Variants in ZNF385D observed in about 807,000 individuals in gnomAD.
ZNF385D encodes the protein zinc finger protein 659.
Under a neutral mutation model 35.8 loss-of-function variants are expected in ZNF385D, and 15 were observed. The observed-to-expected ratio is 0.42, with a 90% CI of 0.28 to 0.64. ZNF385D has a LOEUF of 0.64. ZNF385D is among the 30% of genes least tolerant of loss of function. ZNF385D has a pLI of 0.23. For missense variants in ZNF385D, 474 were observed against 494.6 expected, an observed-to-expected ratio of 0.96 and a Z score of 0.39; for synonymous variants, 212 against 186.8, an observed-to-expected ratio of 1.13 and a Z score of -1.10.
chr3:22,119,766 G>A (rs6792670), intron 3 of ZNF385D, among the ~76,000 whole-genome samples: 1 of 152,080 alleles, frequency 6.6e-6, no homozygotes, highest in Non-Finnish European at 1.5e-5. Context: ...TTTCTCTGCT[G>A]AACTGTTTTA....
At chr3:21,929,550 A>G (rs527556709) in intron 3 of ZNF385D, among the ~76,000 whole-genome samples, 1 of 152,230 alleles carries the variant, frequency 6.6e-6, no homozygotes, top group East Asian at 1.9e-4. Context: ...ATTTATGTAG[A>G]ACATTCTAAA....
At chr3:21,787,453 G>A (rs1404755639) in intron 3 of ZNF385D, among the ~76,000 whole-genome samples, 2 of 149,532 alleles carry the variant, frequency 1.3e-5, no homozygotes, top group Admixed American at 6.6e-5. Context: ...CCTAAGCCCC[G>A]TGCCCCTACT....
intron 2 of ZNF385D, among the ~76,000 whole-genome samples, chr3:22,368,817 G>A (rs1240532077): frequency 6.6e-6 from 1 of 152,138 alleles, no homozygotes; most frequent in African/African-American, 2.4e-5. Context: ...GTTTGGGGGA[G>A]ATATAAACAT....
At chr3:21,722,378 G>C (rs951453185) in intron 1 of ZNF385D, among the ~76,000 whole-genome samples, 9 of 152,126 alleles carry the variant, frequency 5.9e-5, no homozygotes, top group Non-Finnish European at 8.8e-5. Flanking sequence ...TCTCCCCTTT[G>C]CTCTTGAAAA....
In ZNF385D at chr3:21,757,120, C is replaced by CTTTTTTTTTTTTTTTTTTTTTTTTTTTTT. The variant is rs61226426; in HGVS notation, c.326-92093_326-92092insAAAAAAAAAAAAAAAAAAAAAAAAAAAAA. ...CTTTGGAGACATATGATAAATTTCT[C>CTTTTTTTTTTTTTTTTTTTTTTTTTTTTT]TTTTTTTTTTTTTTTTTTTGTTTTC... On this transcript the variant is annotated intron_variant, in intron 3 of 5. Transcript: ENST00000494108. 1.7e-4 allele frequency among the ~76,000 whole-genome samples: 18 copies of CTTTTTTTTTTTTTTTTTTTTTTTTTTTTT among 106,420 alleles called. 1 individual carries two copies. Among genetic ancestry groups the CTTTTTTTTTTTTTTTTTTTTTTTTTTTTT allele is most frequent in the African/African-American group, 5.7e-4 (16 of 27,920 alleles). 69.8% of individuals were successfully genotyped at this position (106,420 alleles called of 152,430 possible). A position where few individuals can be genotyped will look rare whatever the true frequency, so the allele number is the denominator to read the frequency against.
rs563230107 is a variant in ZNF385D, at chr3:21,681,511, GAGCTTAGGAA to G, written c.23-16493_23-16484del. Among the ~76,000 whole-genome samples, 120 of 151,670 alleles carry G rather than the reference GAGCTTAGGAA, an allele frequency of 7.9e-4. No individual in the cohort carries two copies. The South Asian group carries it at 8.7e-3, about 11-fold the overall frequency. On this transcript the variant is annotated intron_variant, in intron 1 of 7. Transcript: ENST00000281523. ...AATGGCAGGGCATACCTCAAGGGGAGAGCTTAGGAAAGCTGGCTGACTCTCAAATAAATCT... is the reference window on the plus strand; with the variant it reads ...AATGGCAGGGCATACCTCAAGGGGAGAGCTGGCTGACTCTCAAATAAATCT...
intron 4 of ZNF385D, among the ~76,000 whole-genome samples, chr3:21,457,674 C>G (rs898576411): frequency 2.0e-5 from 3 of 152,010 alleles, no homozygotes; most frequent in Non-Finnish European, 4.4e-5. Context: ...CTTTCAATGA[C>G]GAATTTATTA....
chr3:22,101,677 C>T (rs1376151196), intron 3 of ZNF385D, among the ~76,000 whole-genome samples: 1 of 150,048 alleles, frequency 6.7e-6, no homozygotes, highest in African/African-American at 2.5e-5. Context: ...CGTTTTGCAA[C>T]AGTTCAGCTA....
chr3:22,188,270 G>T (rs2125790029), intron 2 of ZNF385D, among the ~76,000 whole-genome samples: 1 of 152,230 alleles, frequency 6.6e-6, no homozygotes, highest in Middle Eastern at 3.4e-3. Flanking sequence ...CAACACTATG[G>T]AGAGAGACTC....
intron 3 of ZNF385D, among the ~76,000 whole-genome samples, chr3:22,107,054 T>C (rs904101236): frequency 1.5e-4 from 18 of 124,114 alleles, no homozygotes; most frequent in Admixed American, 8.5e-4. Context: ...GACAGAGTTT[T>C]GCTCTTGTTG....
intron 2 of ZNF385D, among the ~76,000 whole-genome samples, chr3:22,180,299 T>C (rs1471686869): frequency 6.6e-6 from 1 of 152,096 alleles, no homozygotes; most frequent in African/African-American, 2.4e-5. Flanking sequence ...AATTAATAGC[T>C]TACTAACCAA....
intron 3 of ZNF385D, among the ~76,000 whole-genome samples, chr3:21,843,397 G>C (rs548758919): frequency 6.6e-6 from 1 of 152,026 alleles, no homozygotes; most frequent in African/African-American, 2.4e-5. Flanking sequence ...TTATCCCTGA[G>C]GATATGTTTC....
Position 21,465,498 on chromosome 3 carries a change from A to G in ZNF385D, c.440-28295T>C, listed in dbSNP as rs1703454409. Among the ~76,000 whole-genome samples the G allele has an allele frequency of 6.6e-6, 1 of 152,216 alleles. No individual in the cohort carries two copies. The highest frequency in any genetic ancestry group is 6.5e-5 in the Admixed American group (1 of 15,278). ...GGTAACATGAGACAAACCATTTTAA[A>G]GTCTAGGAAAATCCCTAAAAGAATG... On this transcript the variant is annotated intron_variant, in intron 4 of 7. Coordinates refer to ENST00000281523, the MANE Select transcript of ZNF385D (RefSeq NM_024697.3). This position sits in a 1 kb window ranked among gnomAD's most constrained non-coding sequence, Gnocchi z 4.2.
chr3:22,111,185 T>TTTTTTTTTTTTTTTTTTTG (rs1559377211), intron 3 of ZNF385D, among the ~76,000 whole-genome samples: 1 of 122,098 alleles, frequency 8.2e-6, no homozygotes, highest in African/African-American at 3.3e-5. Flanking sequence ...TTGTTTTTTT[T>TTTTTTTTTTTTTTTTTTTG]GTACTCTCAG....
At chr3:22,281,383 G>A (rs1259123170) in intron 2 of ZNF385D, among the ~76,000 whole-genome samples, 1 of 151,998 alleles carries the variant, frequency 6.6e-6, no homozygotes, top group Non-Finnish European at 1.5e-5. Flanking sequence ...TGTAATACAT[G>A]GCTTTTATTA....
intron 2 of ZNF385D, among the ~76,000 whole-genome samples, chr3:22,250,130 T>G (rs1699988695): frequency 6.6e-6 from 1 of 152,140 alleles, no homozygotes; most frequent in East Asian, 1.9e-4. Context: ...GTGGTAAACT[T>G]CAAGGTATCT....
intron 3 of ZNF385D, among the ~76,000 whole-genome samples, chr3:22,022,760 G>C (rs569847637): frequency 1.1e-3 from 160 of 152,130 alleles, no homozygotes; most frequent in African/African-American, 3.7e-3. Flanking sequence ...AAAAATTCAA[G>C]AACATATAAC....
chr3:22,275,967 C>T (rs895149992), intron 2 of ZNF385D, among the ~76,000 whole-genome samples: 6 of 152,158 alleles, frequency 3.9e-5, no homozygotes, highest in African/African-American at 9.6e-5. Context: ...TGCCTGTAAT[C>T]CCAGCTACTC....
intron 3 of ZNF385D, among the ~76,000 whole-genome samples, chr3:22,041,896 T>C (rs1444386628): frequency 1.3e-5 from 2 of 152,058 alleles, no homozygotes; most frequent in Non-Finnish European, 2.9e-5. Flanking sequence ...GTTCTAATAT[T>C]GAAGAAAGAA....
Sources: gnomAD v4.1 joint callset for allele counts (sites outside exome capture counted in the v4.1 genomes callset) on GRCh38, gnomAD v4.1.1 for gene constraint, Gnocchi (gnomAD v3.1) non-coding constraint, MANE v1.5 for transcripts, NCBI Gene and HGNC (gene_info 2026-07-23, HGNC 2026-07-21) for gene names.